Variants in GNAO1 observed in about 807,000 individuals in gnomAD.
The protein encoded by GNAO1 is G protein subunit alpha o1.
For missense variants in GNAO1, 166 were observed against 478.7 expected, an observed-to-expected ratio of 0.35 and a Z score of 6.10; for synonymous variants, 164 against 180.7, an observed-to-expected ratio of 0.91 and a Z score of 0.74.
intron 4 of GNAO1, among the ~76,000 whole-genome samples, chr16:56,330,020 A>T (rs2143649791): frequency 6.6e-6 from 1 of 152,168 alleles, no homozygotes; most frequent in East Asian, 1.9e-4. Flanking sequence ...GCCAATGTTC[A>T]CTCCTGGACA....
At chr16:56,196,542 A>G (rs1467335942) in intron 2 of GNAO1, among the ~76,000 whole-genome samples, 3 of 152,228 alleles carry the variant, frequency 2.0e-5, no homozygotes, top group Admixed American at 2.0e-4. Flanking sequence ...ACAAATAGTG[A>G]CACCCACTTG....
At chr16:56,324,621 T>C (rs2037612905) in intron 3 of GNAO1, among the ~76,000 whole-genome samples, 1 of 152,204 alleles carries the variant, frequency 6.6e-6, no homozygotes, top group South Asian at 2.1e-4. Context: ...GCTGCTGCCC[T>C]GAGTCATCCC....
At position 56,259,191 on chromosome 16, in the gene GNAO1, G is replaced by A. The variant is rs1410027282; in HGVS notation, c.162-16740G>A. ...TTTAGGAAGCCCCTCAGGAATGAGA[G>A]CAACACACTTGAAATAGGACCAAAT... On this transcript the variant is annotated intron_variant, in intron 2 of 8. Transcript: ENST00000262493. 3.3e-5 allele frequency among the ~76,000 whole-genome samples: 5 copies of A among 152,218 alleles called. No individual in the cohort carries two copies. The East Asian group carries it at 9.6e-4, about 29-fold the overall frequency.
At chr16:56,317,498 A>T (rs1309483589) in intron 3 of GNAO1, among the ~76,000 whole-genome samples, 1 of 152,210 alleles carries the variant, frequency 6.6e-6, no homozygotes. Context: ...CAAGGAGAGA[A>T]TGAATGGGTG....
Position 56,351,833 on chromosome 16 carries a change from C to T in GNAO1, c.877+296C>T. 1 of 361,012 alleles carries T rather than the reference C, an allele frequency of 2.8e-6. No individual in the cohort carries two copies. The highest frequency in any genetic ancestry group is 5.1e-6 in the Non-Finnish European group (1 of 194,918). 22.4% of individuals were successfully genotyped at this position (361,012 alleles called of 1,614,324 possible). Reference sequence around the variant, plus strand: ...AGGATCACAGGCTTCCCCCTTCCTCCTGGTCACCCTCTAGAAGAGGTCTCA... The same window carrying T: ...AGGATCACAGGCTTCCCCCTTCCTCTTGGTCACCCTCTAGAAGAGGTCTCA... On this transcript the variant is annotated intron_variant, in intron 7 of 8. Transcript: ENST00000262493. The surrounding 1 kb of genome is among the most constrained non-coding windows in gnomAD (Gnocchi z 6.1).
intron 6 of GNAO1, chr16:56,345,566 G>A (rs2037858081): frequency 1.0e-6 from 1 of 985,496 alleles, no homozygotes; most frequent in South Asian, 4.7e-5. Flanking sequence ...ACCGGTGCCT[G>A]GGGAGCCTCT....
chr16:56,291,175 T>C (rs2143559572), intron 3 of GNAO1, among the ~76,000 whole-genome samples: 1 of 152,332 alleles, frequency 6.6e-6, no homozygotes, highest in East Asian at 1.9e-4. Flanking sequence ...CATGTTTGAC[T>C]TTCTGAGGAA....
rs1374004946 is a variant in GNAO1 at position 56,351,281 on chromosome 16, A to G, written c.724-103A>G. On this transcript the variant is annotated intron_variant, in intron 6 of 8. Coordinates refer to ENST00000262493, the MANE Select transcript of GNAO1 (RefSeq NM_020988.3). This position sits in a 1 kb window ranked among gnomAD's most constrained non-coding sequence, Gnocchi z 6.1. ...CAGCCTCTCGGAGGAGCTGCCGAGT[A>G]GCCCAGTCCCTCTCTGTCAAGCCTA... 4.0e-6 allele frequency: 3 copies of G among 747,690 alleles called. No homozygotes were observed. The highest frequency in any genetic ancestry group is 4.5e-6 in the Non-Finnish European group (2 of 449,172). The allele number at this position is 747,690 out of a possible 1,614,324, so 46.3% of individuals were successfully genotyped here. A position where few individuals can be genotyped will look rare whatever the true frequency, so the allele number is the denominator to read the frequency against.
chr16:56,227,687 C>CAAAAAAAA (rs386384777), intron 2 of GNAO1, among the ~76,000 whole-genome samples: 3 of 61,948 alleles, frequency 4.8e-5, no homozygotes, highest in Non-Finnish European at 8.8e-5. Flanking sequence ...GACCCTGTCT[C>CAAAAAAAA]AAAAAAAAAA....
intron 2 of GNAO1, among the ~76,000 whole-genome samples, chr16:56,266,995 CA>C (rs1157678483): frequency 6.6e-6 from 1 of 152,206 alleles, no homozygotes; most frequent in African/African-American, 2.4e-5. Context: ...TGGACCACTG[CA>C]GACCACTCTG....
chr16:56,310,488 G>T (rs1182937629), intron 3 of GNAO1, among the ~76,000 whole-genome samples: 2 of 152,164 alleles, frequency 1.3e-5, no homozygotes, highest in African/African-American at 2.4e-5. Context: ...CTGCTGTGGA[G>T]CATGACTTTT....
At position 56,351,787 on chromosome 16, in the gene GNAO1, G is replaced by C. The variant is rs2037923989; in HGVS notation, c.877+250G>C. On this transcript the variant is annotated intron_variant, in intron 7 of 8. Transcript: ENST00000262493. This position sits in a 1 kb window ranked among gnomAD's most constrained non-coding sequence, Gnocchi z 6.1. ...GTTAGGACCAAGTGACTCAGGAGTGGTGGGGAGCAGGGGGCAGGACAGGAT... is the reference window on the plus strand; with the variant it reads ...GTTAGGACCAAGTGACTCAGGAGTGCTGGGGAGCAGGGGGCAGGACAGGAT... 2.2e-6 allele frequency: 1 copy of C among 463,734 alleles called. No individual in the cohort carries two copies. The highest frequency in any genetic ancestry group is 2.8e-5 in the South Asian group (1 of 36,180). The allele number at this position is 463,734 out of a possible 1,614,324, so 28.7% of individuals were successfully genotyped here.
chr16:56,303,699 G>A (rs2037366000), intron 3 of GNAO1, among the ~76,000 whole-genome samples: 1 of 152,138 alleles, frequency 6.6e-6, no homozygotes, highest in African/African-American at 2.4e-5. Context: ...AGGGTGACAC[G>A]GATTTGTCTT....
intron 2 of GNAO1, among the ~76,000 whole-genome samples, chr16:56,211,118 T>C (rs1312089497): frequency 6.6e-6 from 1 of 152,146 alleles, no homozygotes; most frequent in African/African-American, 2.4e-5. Flanking sequence ...AAGGAGAGAA[T>C]ATTCAGGAAG....
intron 3 of GNAO1, among the ~76,000 whole-genome samples, chr16:56,292,672 T>C (rs1336427751): frequency 6.6e-6 from 1 of 152,190 alleles, no homozygotes; most frequent in Non-Finnish European, 1.5e-5. Context: ...AAATTTAGAA[T>C]TTAAAATGGA....
At chr16:56,346,101 C>T (rs1220524813) in intron 6 of GNAO1, 1 of 985,552 alleles carries the variant, frequency 1.0e-6, no homozygotes, top group African/African-American at 1.7e-5. Flanking sequence ...TTGGATGCTC[C>T]ATCCTCCTTG....
intron 6 of GNAO1, chr16:56,340,473 T>C: frequency 4.6e-6 from 1 of 215,790 alleles, no homozygotes; most frequent in Non-Finnish European, 9.3e-6. Flanking sequence ...CGCAGATGCG[T>C]TCGGTGGTGG....
chr16:56,343,815 C>G lies in GNAO1; in HGVS notation c.723+6955C>G. 3.9e-6 allele frequency: 6 copies of G among 1,557,292 alleles called. No homozygotes were observed. Among genetic ancestry groups the G allele is most frequent in the Non-Finnish European group, 5.2e-6 (6 of 1,155,292 alleles). On this transcript the variant is annotated intron_variant, in intron 6 of 8. Coordinates refer to ENST00000262493, the MANE Select transcript of GNAO1 (RefSeq NM_020988.3). ...CTTACATCCAGGCCCAGTACGAGAG[C>G]AAGAACAAGTCAGCCCACAAAGAGA...
At chr16:56,287,921 A>C (rs1389979151) in intron 3 of GNAO1, among the ~76,000 whole-genome samples, 1 of 152,118 alleles carries the variant, frequency 6.6e-6, no homozygotes, top group Non-Finnish European at 1.5e-5. Flanking sequence ...ACTGAGAAAC[A>C]CTGAGATGGC....
Sources: allele counts gnomAD v4.1 joint callset (sites outside exome capture counted in the v4.1 genomes callset), GRCh38; gene constraint gnomAD v4.1.1; non-coding constraint Gnocchi (gnomAD v3.1); transcripts MANE v1.5; gene names NCBI Gene and HGNC (gene_info 2026-07-23, HGNC 2026-07-21).